The following CSMD1 variants were observed in gnomAD, a reference collection of about 807,000 sequenced individuals.
CSMD1 encodes CUB and Sushi multiple domains 1.
In CSMD1, 213 loss-of-function variants were observed where a neutral mutation model predicts 417.5. The ratio of observed to expected loss-of-function variants is 0.51; its 90% CI spans 0.46 to 0.57. CSMD1 has a LOEUF of 0.57. CSMD1 is among the 20% of genes least tolerant of loss of function. The probability of loss-of-function intolerance (pLI) is 0.00; values close to 1 mark genes in which losing one functional copy is unlikely to be tolerated. For missense variants in CSMD1, 6,923 were observed against 4,529.7 expected, an observed-to-expected ratio of 1.53 and a Z score of -15.17; for synonymous variants, 2,862 against 1,736.8, an observed-to-expected ratio of 1.65 and a Z score of -16.11.
rs114970489 is a variant in CSMD1 at position 4,329,382 on chromosome 8, A to G, written c.415+90571T>C. Among the ~76,000 whole-genome samples, 879 of 152,170 alleles carry G rather than the reference A, an allele frequency of 5.8e-3. 6 individuals carry two copies. The highest frequency in any genetic ancestry group is 0.02 in the African/African-American group (843 of 41,516). ...CAGCTCACTTTAACCTCTGTCTCCC[A>G]GGTACAAGTGATTCTCCCACCGCAG... On this transcript the variant is annotated intron_variant, in intron 3 of 69. Coordinates refer to ENST00000635120, the MANE Select transcript of CSMD1 (RefSeq NM_033225.6).
intron 5 of CSMD1, among the ~76,000 whole-genome samples, chr8:3,776,486 C>T (rs572239220): frequency 5.9e-5 from 9 of 152,210 alleles, no homozygotes; most frequent in Non-Finnish European, 1.2e-4. Context: ...GCCACACACA[C>T]ATTTCCTGCT....
intron 3 of CSMD1, among the ~76,000 whole-genome samples, chr8:4,139,723 T>C (rs1803666242): frequency 1.3e-5 from 2 of 151,218 alleles, no homozygotes; most frequent in Admixed American, 6.6e-5. Context: ...CCCCGAGTGA[T>C]GCTTGAGTAG....
At chr8:4,599,146 C>T (rs1376878552) in intron 2 of CSMD1, among the ~76,000 whole-genome samples, 1 of 151,960 alleles carries the variant, frequency 6.6e-6, no homozygotes, top group African/African-American at 2.4e-5. Context: ...TTAAAAAATC[C>T]AACGTACTGT....
chr8:3,107,690 C>A (rs1431113787), intron 45 of CSMD1, 28 bp downstream of exon 45: 2 of 1,316,534 alleles, frequency 1.5e-6, no homozygotes, highest in South Asian at 2.4e-5. Flanking sequence ...GTGCTGAATT[C>A]ATGGTATTGT....
chr8:4,754,739 C>G (rs1295630030), intron 1 of CSMD1, among the ~76,000 whole-genome samples: 2 of 152,070 alleles, frequency 1.3e-5, no homozygotes, highest in African/African-American at 4.8e-5. Flanking sequence ...GTCCCAGCTA[C>G]TCAGGAGGCT....
chr8:4,447,897 G>C (rs2115967), intron 2 of CSMD1, among the ~76,000 whole-genome samples: 2 of 152,096 alleles, frequency 1.3e-5, no homozygotes, highest in African/African-American at 4.8e-5. Context: ...TTTATTGTTC[G>C]ATTACTCATC....
chr8:4,845,614 T>C (rs1314068508), intron 1 of CSMD1, among the ~76,000 whole-genome samples: 2 of 152,182 alleles, frequency 1.3e-5, no homozygotes, highest in Non-Finnish European at 2.9e-5. Flanking sequence ...TGTGCCAGGC[T>C]CTCTTTTAGG....
chr8:3,723,422 A>T (rs573721072), intron 6 of CSMD1, among the ~76,000 whole-genome samples: 3 of 152,310 alleles, frequency 2.0e-5, no homozygotes, highest in African/African-American at 7.2e-5. Context: ...ATATTCACTC[A>T]AGGAGGGTGC....
intron 23 of CSMD1, among the ~76,000 whole-genome samples, chr8:3,310,850 T>C (rs1191699682): frequency 1.3e-5 from 2 of 151,572 alleles, no homozygotes; most frequent in African/African-American, 4.8e-5. Context: ...TGACCCGAAC[T>C]TCTCGTTTTT....
At chr8:4,956,162 G>A (rs898912216) in intron 1 of CSMD1, among the ~76,000 whole-genome samples, 10 of 151,976 alleles carry the variant, frequency 6.6e-5, no homozygotes, top group African/African-American at 2.4e-4. Flanking sequence ...CATTTTTCTA[G>A]AGTTGTTTCT....
At chr8:3,533,189 A>G (rs1040575159) in intron 10 of CSMD1, among the ~76,000 whole-genome samples, 8 of 152,212 alleles carry the variant, frequency 5.3e-5, no homozygotes, top group Admixed American at 1.3e-4. Flanking sequence ...GTACACAAAG[A>G]AAGAGCACCC....
intron 49 of CSMD1, among the ~76,000 whole-genome samples, chr8:3,053,526 G>A (rs1038236357): frequency 2.6e-5 from 4 of 152,112 alleles, no homozygotes; most frequent in African/African-American, 9.7e-5. Context: ...TGATAGAGGA[G>A]GCACTCGGGG....
intron 7 of CSMD1, among the ~76,000 whole-genome samples, chr8:3,645,617 G>A (rs936948654): frequency 2.0e-5 from 3 of 152,166 alleles, no homozygotes; most frequent in Non-Finnish European, 2.9e-5. Context: ...GGGATCATGG[G>A]AAGAGTCGGC....
intron 1 of CSMD1, among the ~76,000 whole-genome samples, chr8:4,937,037 T>C (rs1364456841): frequency 6.6e-6 from 1 of 152,090 alleles, no homozygotes; most frequent in African/African-American, 2.4e-5. Context: ...ATAACAGGAC[T>C]CTGTCTGTAT....
intron 4 of CSMD1, among the ~76,000 whole-genome samples, chr8:4,026,509 G>A (rs1200775984): frequency 6.6e-6 from 1 of 152,148 alleles, no homozygotes; most frequent in Non-Finnish European, 1.5e-5. Flanking sequence ...AACCACTGGA[G>A]GATATGTAAG....
At chr8:4,547,190 A>T (rs1368655689) in intron 2 of CSMD1, among the ~76,000 whole-genome samples, 1 of 151,980 alleles carries the variant, frequency 6.6e-6, no homozygotes. Flanking sequence ...CACTTATTAA[A>T]CTAGGCCCCC....
At chr8:4,745,598 G>A (rs544729011) in intron 1 of CSMD1, among the ~76,000 whole-genome samples, 3 of 151,976 alleles carry the variant, frequency 2.0e-5, no homozygotes, top group African/African-American at 7.2e-5. Context: ...TAGAAATAAA[G>A]AGAGAGAGAG....
intron 57 of CSMD1, among the ~76,000 whole-genome samples, chr8:2,971,038 G>A (rs552097065): frequency 1.3e-5 from 2 of 152,096 alleles, no homozygotes; most frequent in Non-Finnish European, 2.9e-5. Flanking sequence ...GTAAGTTACA[G>A]ACATGACAAC....
At chr8:4,781,602 T>C (rs958265322) in intron 1 of CSMD1, among the ~76,000 whole-genome samples, 3 of 152,196 alleles carry the variant, frequency 2.0e-5, no homozygotes, top group African/African-American at 7.2e-5. Flanking sequence ...ATCTAGTCTT[T>C]TGTCTATTGT....
Sources: gnomAD v4.1 joint callset for allele counts (sites outside exome capture counted in the v4.1 genomes callset) on GRCh38, gnomAD v4.1.1 for gene constraint, MANE v1.5 for transcripts, NCBI Gene and HGNC (gene_info 2026-07-23, HGNC 2026-07-21) for gene names.